Variants in RPRD1B observed in about 807,000 individuals in gnomAD.
RPRD1B encodes the protein regulation of nuclear pre-mRNA domain containing 1B.
A neutral mutation model predicts 41.5 loss-of-function variants in RPRD1B; 11 were observed. The observed-to-expected ratio is 0.27, with a 90% CI of 0.17 to 0.44. The LOEUF is 0.44. Ranked by LOEUF, RPRD1B falls within the 20% of genes least tolerant of loss-of-function variation. The probability of loss-of-function intolerance (pLI) is 1.00; values close to 1 mark genes in which losing one functional copy is unlikely to be tolerated. For synonymous variants in RPRD1B, 158 were observed against 155.6 expected, an observed-to-expected ratio of 1.02 and a Z score of -0.12; for missense variants, 248 against 389.9, an observed-to-expected ratio of 0.64 and a Z score of 3.06.
At chr20:38,076,576 C>T (rs966649061) in intron 6 of RPRD1B, among the ~76,000 whole-genome samples, 2 of 152,240 alleles carry the variant, frequency 1.3e-5, no homozygotes, top group East Asian at 3.8e-4. Flanking sequence ...CCCTTGCTGC[C>T]TCTGCTTCTC....
intron 2 of RPRD1B, among the ~76,000 whole-genome samples, chr20:38,047,104 G>A (rs1033565748): frequency 6.6e-6 from 1 of 152,030 alleles, no homozygotes; most frequent in Non-Finnish European, 1.5e-5. Flanking sequence ...TTTTGAAGGT[G>A]GAGTAAAAGT....
chr20:38,070,193 T>TTTTG (rs907415745), intron 6 of RPRD1B: 13 of 985,162 alleles, frequency 1.3e-5, no homozygotes, highest in Non-Finnish European at 1.6e-5. Flanking sequence ...AATCATCTTT[T>TTTTG]TTTGTTTGTT....
intron 6 of RPRD1B, among the ~76,000 whole-genome samples, chr20:38,080,104 T>C (rs1381586782): frequency 1.3e-5 from 2 of 152,240 alleles, no homozygotes; most frequent in African/African-American, 2.4e-5. Context: ...TCCTCATAGA[T>C]TGTAGATATT....
In RPRD1B at chr20:38,089,722, T is replaced by C. The variant is rs2074596104; in HGVS notation, c.832-4T>C. On this transcript the variant is annotated splice_polypyrimidine_tract_variant and splice_region_variant and intron_variant, in intron 6 of 6. Transcript: ENST00000373433. ...ACGGTATTGTCTTCTCTTTATCTCC[T>C]TAGGAATACAAACAGAAGCTTGCAC... 6.2e-7 allele frequency: 1 copy of C among 1,612,330 alleles called. No homozygotes were observed. Among genetic ancestry groups the C allele is most frequent in the African/African-American group, 1.3e-5 (1 of 74,864 alleles).
chr20:38,048,261 T>A (rs1016259895), intron 2 of RPRD1B, 87 bp from the exon 3 acceptor site: 32 of 1,336,876 alleles, frequency 2.4e-5, no homozygotes, highest in Non-Finnish European at 5.0e-6. Context: ...AGTCAGTTGT[T>A]GATTTCTTTT....
Position 38,066,256 on chromosome 20 carries a change from G to T in RPRD1B, c.831G>T (p.Glu277Asp). 1 of 1,614,064 alleles carries T rather than the reference G, an allele frequency of 6.2e-7. No homozygotes were observed. Among genetic ancestry groups the T allele is most frequent in the Non-Finnish European group, 8.5e-7 (1 of 1,179,978 alleles). ...DVLSEKEKKLEEYKQKLARVT... is the reference protein window; with the variant it reads ...DVLSEKEKKLDEYKQKLARVT... Reference sequence around the variant, plus strand: ...TGTCGGAGAAGGAGAAAAAACTAGAGGTGAGTGCATTGAAGGCAGACCCAG... The same window carrying T: ...TGTCGGAGAAGGAGAAAAAACTAGATGTGAGTGCATTGAAGGCAGACCCAG... Residue 277 changes from glutamate (E) to aspartate (D), a missense_variant and splice_region_variant, in exon 6 of 7, where the codon GAG (glutamate) becomes GAT (aspartate). Physicochemically the swap from Glu to Asp is conservative, Grantham distance 45. Around this residue, in one of 5 missense-constraint regions of RPRD1B, gnomAD observed 93 missense variants for 167.2 expected, o/e 0.56. Coordinates refer to ENST00000373433, the MANE Select transcript of RPRD1B (RefSeq NM_021215.4).
At chr20:38,063,664 G>A (rs1222546007) in intron 5 of RPRD1B, among the ~76,000 whole-genome samples, 6 of 152,180 alleles carry the variant, frequency 3.9e-5, no homozygotes, top group African/African-American at 1.4e-4. Flanking sequence ...AGAATTTGCT[G>A]AGGTAGAGAA....
At chr20:38,048,599 A>C in intron 3 of RPRD1B, 118 bp downstream of exon 3, 1 of 1,470,606 alleles carries the variant, frequency 6.8e-7, no homozygotes, top group Non-Finnish European at 9.1e-7. Context: ...CTTCAGAGAG[A>C]CAGATGATCA....
At chr20:38,050,313 T>G (rs559286267) in intron 3 of RPRD1B, among the ~76,000 whole-genome samples, 2 of 152,330 alleles carry the variant, frequency 1.3e-5, no homozygotes, top group South Asian at 4.1e-4. Context: ...TCATTGTTGT[T>G]TTACTTGGTG....
At position 38,057,615 on chromosome 20, in the gene RPRD1B, C is replaced by T; in HGVS notation, c.499C>T (p.Pro167Ser). 6.2e-7 allele frequency: 1 copy of T among 1,614,070 alleles called. No individual in the cohort carries two copies. Among genetic ancestry groups the T allele is most frequent in the Non-Finnish European group, 8.5e-7 (1 of 1,179,908 alleles). ...TGACGACTACCCTGGCAGCTACTCTCCTCAGGATCCTTCTGCAGGACCCCT... is the reference window on the plus strand; with the variant it reads ...TGACGACTACCCTGGCAGCTACTCTTCTCAGGATCCTTCTGCAGGACCCCT... ...EDDDYPGSYS[P>S]QDPSAGPLLT... Residue 167 changes from proline (P) to serine (S), a missense_variant, in exon 4 of 7, where the codon CCT (proline) becomes TCT (serine). Physicochemically the swap from Pro to Ser is moderately conservative, Grantham distance 74. Coordinates refer to ENST00000373433, the MANE Select transcript of RPRD1B (RefSeq NM_021215.4).
chr20:38,040,614 CCT>C, intron 2 of RPRD1B, 50 bp downstream of exon 2: 1 of 1,565,590 alleles, frequency 6.4e-7, no homozygotes, highest in African/African-American at 1.4e-5. Context: ...GCCTTTCCCA[CCT>C]TTTTGTTCTT....
At chr20:38,062,431 C>G (rs1600415364) in intron 5 of RPRD1B, among the ~76,000 whole-genome samples, 1 of 152,130 alleles carries the variant, frequency 6.6e-6, no homozygotes, top group Admixed American at 6.5e-5. Context: ...ATCCAACCTC[C>G]TACTCAGTTT....
chr20:38,082,870 AC>A (rs1408864914), intron 6 of RPRD1B, among the ~76,000 whole-genome samples: 3 of 152,200 alleles, frequency 2.0e-5, no homozygotes, highest in African/African-American at 7.2e-5. Context: ...TAACCTACAG[AC>A]TGTCTTACCC....
intron 2 of RPRD1B, among the ~76,000 whole-genome samples, chr20:38,042,041 T>A (rs2074071641): frequency 6.6e-6 from 1 of 152,126 alleles, no homozygotes; most frequent in South Asian, 2.1e-4. Flanking sequence ...CAGTAAATAT[T>A]TGTTAAATGA....
At chr20:38,047,527 C>T (rs988589944) in intron 2 of RPRD1B, among the ~76,000 whole-genome samples, 1 of 139,096 alleles carries the variant, frequency 7.2e-6, no homozygotes, top group Non-Finnish European at 1.5e-5. Flanking sequence ...AACCCCCTCA[C>T]AAAACAGAAG....
intron 1 of RPRD1B, among the ~76,000 whole-genome samples, chr20:38,034,606 C>T (rs985012599): frequency 6.6e-6 from 1 of 152,226 alleles, no homozygotes; most frequent in Non-Finnish European, 1.5e-5. Context: ...AAAGCCTTTA[C>T]TTCATACCAG....
chr20:38,052,833 A>G (rs1027274294), intron 3 of RPRD1B, among the ~76,000 whole-genome samples: 2 of 140,064 alleles, frequency 1.4e-5, no homozygotes, highest in African/African-American at 5.4e-5. Flanking sequence ...TTTACGGTAG[A>G]TGGCTGCATA....
chr20:38,068,212 T>C (rs1469002356), intron 6 of RPRD1B, among the ~76,000 whole-genome samples: 1 of 152,208 alleles, frequency 6.6e-6, no homozygotes, highest in African/African-American at 2.4e-5. Flanking sequence ...TTCAGTGGAA[T>C]GGGGCTGGCA....
At chr20:38,048,151 G>GA (rs2074138836) in intron 2 of RPRD1B, among the ~76,000 whole-genome samples, 197 bp from the exon 3 acceptor site, 1 of 152,174 alleles carries the variant, frequency 6.6e-6, no homozygotes. Context: ...ATTATGGCAT[G>GA]ATCCCTCCCA....
Sources: allele counts gnomAD v4.1 joint callset (sites outside exome capture counted in the v4.1 genomes callset), GRCh38; gene constraint gnomAD v4.1.1; regional missense constraint gnomAD v4.1.1; transcripts MANE v1.5; gene names NCBI Gene and HGNC (gene_info 2026-07-23, HGNC 2026-07-21).